RAI14: variants seen among roughly 807,000 people sequenced by gnomAD.
RAI14 encodes the protein retinoic acid induced 14, also known as ankycorbin.
A neutral mutation model predicts 115.4 loss-of-function variants in RAI14; 45 were observed. The observed-to-expected ratio is 0.39, with a 90% CI of 0.31 to 0.50. The LOEUF (loss-of-function observed/expected upper bound fraction) is 0.50. Ranked by LOEUF, RAI14 falls within the 20% of genes least tolerant of loss-of-function variation. RAI14 has a pLI of 0.85. For missense variants in RAI14, 939 were observed against 1,131.2 expected (o/e 0.83, Z 2.44); for synonymous variants, 371 against 415.4 (o/e 0.89, Z 1.30).
At chr5:34,688,010 TAAA>T (rs1738066033) in intron 2 of RAI14, 1 of 1,332,420 alleles carries the variant, frequency 7.5e-7, no homozygotes. Context: ...CCGACCCACT[TAAA>T]GAAAGAACTG....
At chr5:34,673,224 A>C (rs1351376297) in intron 1 of RAI14, among the ~76,000 whole-genome samples, 1 of 152,172 alleles carries the variant, frequency 6.6e-6, no homozygotes, top group Non-Finnish European at 1.5e-5. Context: ...GAAGACTCAC[A>C]CTTGAATTGC....
intron 2 of RAI14, among the ~76,000 whole-genome samples, chr5:34,703,017 T>G (rs1466922492): frequency 6.6e-6 from 1 of 152,224 alleles, no homozygotes; most frequent in Non-Finnish European, 1.5e-5. Flanking sequence ...TAAATAATCT[T>G]TAAAAAGGAA....
intron 1 of RAI14, among the ~76,000 whole-genome samples, chr5:34,681,500 T>G (rs576039342): frequency 6.6e-6 from 1 of 152,106 alleles, no homozygotes; most frequent in East Asian, 1.9e-4. Flanking sequence ...GGAATATTAT[T>G]ATTATTTTTT....
intron 4 of RAI14, among the ~76,000 whole-genome samples, chr5:34,799,306 G>C (rs469033): frequency 1.3e-4 from 20 of 152,006 alleles, no homozygotes; most frequent in African/African-American, 4.8e-4. Flanking sequence ...TGGTGGTTAG[G>C]GGATGAATTA....
intron 2 of RAI14, among the ~76,000 whole-genome samples, chr5:34,702,105 C>T (rs370552993): frequency 3.0e-4 from 46 of 152,322 alleles, no homozygotes; most frequent in African/African-American, 7.7e-4. Context: ...TGAACCACCA[C>T]GCCCGCCCAA....
intron 1 of RAI14, among the ~76,000 whole-genome samples, chr5:34,678,767 T>C (rs905399885): frequency 7.9e-5 from 12 of 152,230 alleles, no homozygotes; most frequent in African/African-American, 2.9e-4. Context: ...GGACCATCAC[T>C]GCAGACCCCT....
intron 3 of RAI14, among the ~76,000 whole-genome samples, chr5:34,764,534 A>ATTTTTT (rs139263032): frequency 3.3e-5 from 3 of 89,632 alleles, no homozygotes; most frequent in Non-Finnish European, 5.9e-5. Context: ...GCACAGGTGA[A>ATTTTTT]TTTTCTCTCT....
At chr5:34,727,111 G>A (rs745524011) in intron 2 of RAI14, among the ~76,000 whole-genome samples, 29 of 152,312 alleles carry the variant, frequency 1.9e-4, no homozygotes, top group Non-Finnish European at 3.4e-4. Flanking sequence ...CCAAAATGCT[G>A]ATAGTGATAT....
At chr5:34,815,611 C>A (rs1756138013) in intron 12 of RAI14, among the ~76,000 whole-genome samples, 1 of 152,004 alleles carries the variant, frequency 6.6e-6, no homozygotes, top group African/African-American at 2.4e-5. Flanking sequence ...AAAAGTTGAA[C>A]CCATAGAAGC....
intron 3 of RAI14, among the ~76,000 whole-genome samples, chr5:34,766,493 G>A (rs947412178): frequency 1.3e-5 from 2 of 152,132 alleles, no homozygotes; most frequent in African/African-American, 4.8e-5. Context: ...TCAGACTTGT[G>A]TGGGCCCTGT....
chr5:34,811,169 T>G (rs761309076), intron 8 of RAI14, 51 bp downstream of exon 8: 3 of 1,569,906 alleles, frequency 1.9e-6, no homozygotes, highest in Non-Finnish European at 2.6e-6. Flanking sequence ...ACCCACATTC[T>G]GAGAGTATTT....
Position 34,831,044 on chromosome 5 carries a change from AG to A in RAI14, c.*285del, listed in dbSNP as rs568688168. ...CCAGAGGTCTGGTCCTGATGCTGGC[AG>A]GGGGGCCCCCTCCTCCATCCCTGAC... On this transcript the variant is annotated 3_prime_UTR_variant, in exon 18 of 18. Coordinates refer to ENST00000265109, the MANE Select transcript of RAI14 (RefSeq NM_015577.3). The A allele has an allele frequency of 1.5e-3, 640 of 437,616 alleles. 2 individuals carry two copies. Among genetic ancestry groups the A allele is most frequent in the African/African-American group, 0.012 (597 of 49,242 alleles). The allele number at this position is 437,616 out of a possible 1,614,324, so 27.1% of individuals were successfully genotyped here.
At chr5:34,796,119 G>T (rs1209942867) in intron 4 of RAI14, 92 bp downstream of exon 4, 2 of 1,050,166 alleles carry the variant, frequency 1.9e-6, no homozygotes, top group Non-Finnish European at 2.9e-6. Flanking sequence ...TTTAAGGCCA[G>T]GTGTGGTAAC....
intron 2 of RAI14, among the ~76,000 whole-genome samples, chr5:34,691,330 C>G (rs769253223): frequency 6.6e-6 from 1 of 152,112 alleles, no homozygotes; most frequent in Non-Finnish European, 1.5e-5. Context: ...AGTTTTCATC[C>G]TAGTTTTAAA....
chr5:34,702,800 G>A (rs1370448733), intron 2 of RAI14, among the ~76,000 whole-genome samples: 2 of 152,116 alleles, frequency 1.3e-5, no homozygotes, highest in African/African-American at 2.4e-5. Flanking sequence ...TTCACCTCCC[G>A]GGTTCAAGCA....
chr5:34,663,358 A>C (rs916542152), intron 1 of RAI14, among the ~76,000 whole-genome samples: 11 of 152,130 alleles, frequency 7.2e-5, no homozygotes, highest in Non-Finnish European at 7.4e-5. Flanking sequence ...CTCTAAAAAA[A>C]TACAAAAATT....
At chr5:34,764,233 G>A (rs764578668) in intron 3 of RAI14, among the ~76,000 whole-genome samples, 9 of 152,170 alleles carry the variant, frequency 5.9e-5, no homozygotes, top group Non-Finnish European at 1.2e-4. Flanking sequence ...AGCAACTTGA[G>A]TTCAGGGCCC....
At chr5:34,745,955 C>T (rs537252719) in intron 2 of RAI14, among the ~76,000 whole-genome samples, 107 of 152,256 alleles carry the variant, frequency 7.0e-4, no homozygotes, top group African/African-American at 2.5e-3. Flanking sequence ...TGCTCATGCT[C>T]CTCTTCCTCT....
At chr5:34,715,238 T>A (rs1025442468) in intron 2 of RAI14, among the ~76,000 whole-genome samples, 6 of 152,108 alleles carry the variant, frequency 3.9e-5, no homozygotes, top group African/African-American at 1.4e-4. Flanking sequence ...GGAACTGTGG[T>A]GTCACCGTTT....
Sources: allele counts gnomAD v4.1 joint callset (sites outside exome capture counted in the v4.1 genomes callset), GRCh38; gene constraint gnomAD v4.1.1; transcripts MANE v1.5; gene names NCBI Gene and HGNC (gene_info 2026-07-23, HGNC 2026-07-21).